The following PTPRD variants were observed in gnomAD, a reference collection of about 807,000 sequenced individuals.
PTPRD encodes the protein protein tyrosine phosphatase receptor type D, also known as receptor-type tyrosine-protein phosphatase delta.
In PTPRD, 34 loss-of-function variants were observed where a neutral mutation model predicts 214.5. The ratio of observed to expected loss-of-function variants is 0.16; its 90% CI spans 0.12 to 0.21. The LOEUF (loss-of-function observed/expected upper bound fraction) is 0.21. PTPRD is among the 10% of genes least tolerant of loss of function. PTPRD has a pLI of 1.00. For synonymous variants in PTPRD, 1,128 were observed against 845.7 expected (o/e 1.33, Z -5.79); for missense variants, 2,545 against 2,398.7 (o/e 1.06, Z -1.27).
intron 8 of PTPRD, among the ~76,000 whole-genome samples, chr9:9,427,888 G>T (rs1204903905): frequency 6.6e-6 from 1 of 152,140 alleles, no homozygotes; most frequent in African/African-American, 2.4e-5. Context: ...CACCAGGCCT[G>T]CCTTACAAGA....
chr9:9,476,116 A>C (rs1197914792), intron 8 of PTPRD, among the ~76,000 whole-genome samples: 2 of 152,172 alleles, frequency 1.3e-5, no homozygotes, highest in Non-Finnish European at 2.9e-5. Context: ...TTGGTGAGAA[A>C]ACAGGCGTAG....
At chr9:8,777,165 G>A (rs2095519713) in intron 11 of PTPRD, among the ~76,000 whole-genome samples, 1 of 151,610 alleles carries the variant, frequency 6.6e-6, no homozygotes, top group African/African-American at 2.4e-5. Flanking sequence ...GTTTTTTAGA[G>A]ATGGGGGTCT....
intron 2 of PTPRD, among the ~76,000 whole-genome samples, chr9:10,488,664 A>G (rs974015785): frequency 6.6e-6 from 1 of 152,142 alleles, no homozygotes; most frequent in Admixed American, 6.5e-5. Flanking sequence ...CTGGCACTCA[A>G]ACCATGAGAC....
intron 8 of PTPRD, among the ~76,000 whole-genome samples, chr9:9,466,689 T>G (rs1480243184): frequency 6.6e-6 from 1 of 152,200 alleles, no homozygotes; most frequent in Non-Finnish European, 1.5e-5. Flanking sequence ...TCATCCTTTC[T>G]CCAAATATTT....
intron 11 of PTPRD, among the ~76,000 whole-genome samples, chr9:8,931,966 T>C (rs559881906): frequency 6.6e-6 from 1 of 152,334 alleles, no homozygotes; most frequent in African/African-American, 2.4e-5. Flanking sequence ...ATTTATAGTA[T>C]TCTCTGATGG....
rs533772020 is a variant in PTPRD at position 8,961,592 on chromosome 9, G to T, written c.-104+57105C>A. Among the ~76,000 whole-genome samples the T allele has an allele frequency of 9.9e-5, 15 of 152,174 alleles. No homozygotes were observed. The East Asian group carries it at 1.5e-3, about 16-fold the overall frequency. On this transcript the variant is annotated intron_variant, in intron 11 of 45. Coordinates refer to ENST00000381196, the MANE Select transcript of PTPRD (RefSeq NM_002839.4). ...ATCAAGGCAGTTCTTCTGCATCAAG[G>T]TTGAGGACATTAACTGAGCAACCAC...
At chr9:10,431,890 G>A (rs2098682877) in intron 2 of PTPRD, among the ~76,000 whole-genome samples, 1 of 152,056 alleles carries the variant, frequency 6.6e-6, no homozygotes, top group African/African-American at 2.4e-5. Flanking sequence ...ATTCCTTAGG[G>A]ATCTAGAGCT....
At chr9:10,208,262 C>T (rs1180767631) in intron 3 of PTPRD, among the ~76,000 whole-genome samples, 6 of 152,200 alleles carry the variant, frequency 3.9e-5, no homozygotes, top group African/African-American at 7.2e-5. Context: ...GGCCCGTAAT[C>T]CCAGCACTTT....
chr9:9,158,727 A>G (rs974688765), intron 10 of PTPRD, among the ~76,000 whole-genome samples: 3 of 152,158 alleles, frequency 2.0e-5, no homozygotes, highest in Admixed American at 6.6e-5. Flanking sequence ...GCATTACCAC[A>G]GTATCAAAGT....
chr9:10,517,080 G>A (rs1490403756), intron 2 of PTPRD, among the ~76,000 whole-genome samples: 1 of 151,888 alleles, frequency 6.6e-6, no homozygotes, highest in African/African-American at 2.4e-5. Context: ...AAAAATTTTA[G>A]ATTTTTTTTC....
intron 9 of PTPRD, among the ~76,000 whole-genome samples, chr9:9,197,707 G>A (rs543942371): frequency 2.8e-4 from 43 of 152,220 alleles, no homozygotes; most frequent in African/African-American, 8.7e-4. Context: ...CACCATGTCC[G>A]GCCTATTTTT....
chr9:9,409,647 A>C (rs1378424147), intron 8 of PTPRD, among the ~76,000 whole-genome samples: 2 of 152,052 alleles, frequency 1.3e-5, no homozygotes, highest in Non-Finnish European at 2.9e-5. Flanking sequence ...AAAGGAACCC[A>C]CCATAAGGGA....
chr9:10,447,426 A>G (rs1182259459), intron 2 of PTPRD, among the ~76,000 whole-genome samples: 1 of 151,864 alleles, frequency 6.6e-6, no homozygotes, highest in Non-Finnish European at 1.5e-5. Context: ...TCACATAACT[A>G]TCTCTGAACA....
In PTPRD at chr9:10,548,747, C is replaced by A. The variant is rs201603158; in HGVS notation, c.-600+63651G>T. On this transcript the variant is annotated intron_variant, in intron 2 of 45. Transcript: ENST00000381196. ...CCACTAGATTAACTTTGAGCAACATCTTAGAATGCTGGGAGATGTGTGCAC... is the reference window on the plus strand; with the variant it reads ...CCACTAGATTAACTTTGAGCAACATATTAGAATGCTGGGAGATGTGTGCAC... 4.0e-4 allele frequency among the ~76,000 whole-genome samples: 6 copies of A among 14,868 alleles called. No homozygotes were observed. In the East Asian group the frequency reaches 4.4e-3, roughly 11 times the overall value. 9.8% of individuals were successfully genotyped at this position (14,868 alleles called of 152,430 possible).
At chr9:10,418,446 TAC>T (rs3076350) in intron 2 of PTPRD, among the ~76,000 whole-genome samples, 23,234 of 124,220 alleles carry the variant, frequency 0.19, 1,946 homozygotes, top group Non-Finnish European at 0.19. Context: ...CCTTCCCCTC[TAC>T]ACACACACAC....
chr9:8,333,419 A>G (rs2131809338), intron 43 of PTPRD, among the ~76,000 whole-genome samples: 1 of 152,332 alleles, frequency 6.6e-6, no homozygotes, highest in South Asian at 2.1e-4. Context: ...ACAATACTGT[A>G]ATTTTCAACC....
chr9:9,154,188 T>C (rs1465689382), intron 10 of PTPRD, among the ~76,000 whole-genome samples: 1 of 152,186 alleles, frequency 6.6e-6, no homozygotes. Context: ...GGAACATTAA[T>C]GCCACAATGA....
chr9:9,945,186 C>A (rs2092374651), intron 4 of PTPRD, among the ~76,000 whole-genome samples: 1 of 151,982 alleles, frequency 6.6e-6, no homozygotes, highest in African/African-American at 2.4e-5. Flanking sequence ...ATTAGGAGAT[C>A]CACGTGGAAG....
intron 9 of PTPRD, among the ~76,000 whole-genome samples, chr9:9,299,105 C>T (rs1415161810): frequency 6.6e-6 from 1 of 151,674 alleles, no homozygotes; most frequent in Non-Finnish European, 1.5e-5. Flanking sequence ...GTAAGAAAAA[C>T]TAATTGTGTC....
Sources: gnomAD v4.1 joint callset for allele counts (sites outside exome capture counted in the v4.1 genomes callset) on GRCh38, gnomAD v4.1.1 for gene constraint, MANE v1.5 for transcripts, NCBI Gene and HGNC (gene_info 2026-07-23, HGNC 2026-07-21) for gene names.